The following MYO10 variants were observed in gnomAD, a reference collection of about 807,000 sequenced individuals.
MYO10 encodes the protein unconventional myosin-X.
In MYO10, 133 loss-of-function variants were observed where a neutral mutation model predicts 257.3. That is an observed-to-expected ratio of 0.52 (90% CI 0.45 to 0.60). The LOEUF (loss-of-function observed/expected upper bound fraction) is 0.60. MYO10 is among the 20% of genes least tolerant of loss of function. The probability of loss-of-function intolerance (pLI) is 0.00; values close to 1 mark genes in which losing one functional copy is unlikely to be tolerated. For synonymous variants in MYO10, 1,104 were observed against 1,028.6 expected, an observed-to-expected ratio of 1.07 and a Z score of -1.40; for missense variants, 2,399 against 2,635.7, an observed-to-expected ratio of 0.91 and a Z score of 1.97.
At chr5:16,888,921 C>A (rs1340220623) in intron 1 of MYO10, among the ~76,000 whole-genome samples, 1 of 152,054 alleles carries the variant, frequency 6.6e-6, no homozygotes, top group Non-Finnish European at 1.5e-5. Flanking sequence ...CCTGGAATCC[C>A]AGCACTTTTG....
At chr5:16,743,339 G>C (rs551205575) in intron 19 of MYO10, among the ~76,000 whole-genome samples, 1 of 151,880 alleles carries the variant, frequency 6.6e-6, no homozygotes, top group Non-Finnish European at 1.5e-5. Context: ...GTTCTATAGT[G>C]AGCAACAGAA....
At position 16,766,049 on chromosome 5, in the gene MYO10, A is replaced by C. The variant is rs775728293; in HGVS notation, c.1179+31T>G. The C allele has an allele frequency of 5.2e-5, 78 of 1,509,540 alleles. 1 individual carries two copies. The highest frequency in any genetic ancestry group is 2.3e-4 in the South Asian group (20 of 88,402). The allele number at this position is 1,509,540 out of a possible 1,614,324, so 93.5% of individuals were successfully genotyped here. On this transcript the variant is annotated intron_variant, in intron 11 of 40. Coordinates refer to ENST00000513610, the MANE Select transcript of MYO10 (RefSeq NM_012334.3). ...ATCTGAAAACCCAGGAGTGTCTAGT[A>C]ACGCAAGATCAGATGGCAAAGCGTG...
chr5:16,935,480 G>C (rs1295150377), intron 1 of MYO10, among the ~76,000 whole-genome samples: 2 of 152,004 alleles, frequency 1.3e-5, no homozygotes, highest in African/African-American at 2.4e-5. Context: ...CCCCGCCCGC[G>C]CCCCGGCGCG....
intron 3 of MYO10, among the ~76,000 whole-genome samples, chr5:16,804,182 G>A (rs919576627): frequency 1.3e-5 from 2 of 152,168 alleles, no homozygotes; most frequent in African/African-American, 4.8e-5. Context: ...CACCATGGCT[G>A]ACGTCTCCTT....
intron 4 of MYO10, among the ~76,000 whole-genome samples, chr5:16,793,822 T>G (rs1560987899): frequency 6.6e-6 from 1 of 151,438 alleles, no homozygotes; most frequent in Non-Finnish European, 1.5e-5. Context: ...TCCCAGCTAC[T>G]CGGGAGGCTG....
At chr5:16,787,271 G>A (rs1741614072) in intron 4 of MYO10, among the ~76,000 whole-genome samples, 1 of 152,164 alleles carries the variant, frequency 6.6e-6, no homozygotes, top group Admixed American at 6.5e-5. Flanking sequence ...CTACCAGGAG[G>A]TAAGTGGTGT....
At chr5:16,684,347 AT>A (rs1737146025) in intron 29 of MYO10, among the ~76,000 whole-genome samples, 1 of 152,136 alleles carries the variant, frequency 6.6e-6, no homozygotes, top group African/African-American at 2.4e-5. Flanking sequence ...GGTTCAAGTG[AT>A]TCTCGTGCCT....
intron 1 of MYO10, among the ~76,000 whole-genome samples, chr5:16,900,744 G>GTTTTTCT (rs1659160398): frequency 7.5e-6 from 1 of 132,752 alleles, no homozygotes; most frequent in African/African-American, 2.9e-5. Flanking sequence ...CCTAAATCTT[G>GTTTTTCT]TTTTTTTTTT....
At chr5:16,675,456 G>A (rs26747) in intron 34 of MYO10, among the ~76,000 whole-genome samples, 6,100 of 152,176 alleles carry the variant, frequency 0.04, 289 homozygotes, top group African/African-American at 0.12. Flanking sequence ...CTGGCTACTC[G>A]GCCAGGTGCA....
At chr5:16,850,457 T>C (rs192002871) in intron 2 of MYO10, among the ~76,000 whole-genome samples, 2 of 152,038 alleles carry the variant, frequency 1.3e-5, no homozygotes, top group Non-Finnish European at 2.9e-5. Flanking sequence ...TTTGTATTTT[T>C]AGTAGAGATG....
chr5:16,733,910 G>A (rs910925048), intron 19 of MYO10, among the ~76,000 whole-genome samples: 4 of 152,112 alleles, frequency 2.6e-5, no homozygotes, highest in African/African-American at 7.2e-5. Flanking sequence ...TCTGAGCTGG[G>A]TGACTCGAAC....
chr5:16,812,746 C>T (rs1274310034), intron 3 of MYO10, among the ~76,000 whole-genome samples: 3 of 152,124 alleles, frequency 2.0e-5, no homozygotes, highest in South Asian at 4.1e-4. Context: ...GTTCCCAGAG[C>T]TTTCACTTCT....
intron 19 of MYO10, among the ~76,000 whole-genome samples, chr5:16,744,785 T>TAA (rs572849530): frequency 2.7e-5 from 4 of 145,554 alleles, no homozygotes; most frequent in African/African-American, 1.0e-4. Flanking sequence ...AGCAAAGCTC[T>TAA]AAAAAAAAAA....
chr5:16,674,682 G>T (rs555313207), intron 35 of MYO10, among the ~76,000 whole-genome samples, 171 bp downstream of exon 35: 1 of 151,916 alleles, frequency 6.6e-6, no homozygotes, highest in African/African-American at 2.4e-5. Context: ...GACTTAAAAA[G>T]GATGGCAGCA....
intron 2 of MYO10, among the ~76,000 whole-genome samples, chr5:16,852,123 G>GGA (rs1561018852): frequency 8.1e-5 from 12 of 148,512 alleles, no homozygotes; most frequent in Non-Finnish European, 1.5e-4. Context: ...GGAAGGAAGG[G>GGA]AGGGAAGGAG....
intron 21 of MYO10, among the ~76,000 whole-genome samples, chr5:16,706,933 G>A (rs1191524639): frequency 6.6e-6 from 1 of 152,154 alleles, no homozygotes; most frequent in Non-Finnish European, 1.5e-5. Context: ...TGATAGGTTT[G>A]GCTGTGTCCC....
intron 19 of MYO10, among the ~76,000 whole-genome samples, chr5:16,721,076 A>T (rs1367302612): frequency 6.6e-6 from 1 of 152,134 alleles, no homozygotes; most frequent in African/African-American, 2.4e-5. Flanking sequence ...AAACAACCTT[A>T]TCTTCTGATA....
intron 2 of MYO10, among the ~76,000 whole-genome samples, chr5:16,836,125 T>C (rs969093397): frequency 6.6e-6 from 1 of 152,206 alleles, no homozygotes; most frequent in Non-Finnish European, 1.5e-5. Context: ...CTATCGTCAG[T>C]ATCCTCACTC....
intron 1 of MYO10, among the ~76,000 whole-genome samples, chr5:16,926,594 T>C (rs1414101100): frequency 1.3e-5 from 2 of 151,470 alleles, no homozygotes; most frequent in African/African-American, 4.9e-5. Flanking sequence ...CCCAGCTACG[T>C]GGGAGGCTGA....
Sources: gnomAD v4.1 joint callset for allele counts (sites outside exome capture counted in the v4.1 genomes callset) on GRCh38, gnomAD v4.1.1 for gene constraint, MANE v1.5 for transcripts, NCBI Gene and HGNC (gene_info 2026-07-23, HGNC 2026-07-21) for gene names.